Variants in SLX4IP observed in about 807,000 individuals in gnomAD.
The protein encoded by SLX4IP is SLX4 interacting protein.
A neutral mutation model predicts 32.9 loss-of-function variants in SLX4IP; 34 were observed. The ratio of observed to expected loss-of-function variants is 1.03; its 90% CI spans 0.79 to 1.38. SLX4IP has a LOEUF of 1.38. Among genes scored for constraint, SLX4IP ranks in the 40% most tolerant of loss-of-function variants. SLX4IP has a pLI of 0.00. For synonymous variants in SLX4IP, 172 were observed against 171.7 expected (o/e 1.00, Z -0.01); for missense variants, 444 against 479.0 (o/e 0.93, Z 0.68).
At chr20:10,479,041 C>A (rs1191075343) in intron 2 of SLX4IP, among the ~76,000 whole-genome samples, 1 of 152,236 alleles carries the variant, frequency 6.6e-6, no homozygotes. Context: ...TGCCAATCCT[C>A]CCCCTACTCA....
Position 10,623,484 on chromosome 20 carries a change from G to T in SLX4IP, c.*105G>T. On this transcript the variant is annotated 3_prime_UTR_variant, in exon 8 of 8. Transcript: ENST00000334534. Reference sequence around the variant, plus strand: ...GGATTTTAAAGGAATTAATTAGAATGACTAATTTAAATAGGAAGTGTGTTA... The same window carrying T: ...GGATTTTAAAGGAATTAATTAGAATTACTAATTTAAATAGGAAGTGTGTTA... 7.0e-7 allele frequency: 1 copy of T among 1,428,464 alleles called. No homozygotes were observed. The highest frequency in any genetic ancestry group is 9.3e-7 in the Non-Finnish European group (1 of 1,071,512). 88.5% of individuals were successfully genotyped at this position (1,428,464 alleles called of 1,614,324 possible). A position where few individuals can be genotyped will look rare whatever the true frequency, so the allele number is the denominator to read the frequency against.
chr20:10,518,041 AG>A (rs1228751363), intron 2 of SLX4IP, among the ~76,000 whole-genome samples: 1 of 152,140 alleles, frequency 6.6e-6, no homozygotes, highest in African/African-American at 2.4e-5. Flanking sequence ...GGAGAGCCTC[AG>A]GTAGAATAGC....
intron 4 of SLX4IP, among the ~76,000 whole-genome samples, chr20:10,574,587 C>T (rs2066502773): frequency 6.6e-6 from 1 of 152,094 alleles, no homozygotes; most frequent in Non-Finnish European, 1.5e-5. Flanking sequence ...AGACTTTCGG[C>T]ATATCTGGGA....
chr20:10,568,776 G>A (rs1350752027), intron 4 of SLX4IP, among the ~76,000 whole-genome samples: 1 of 152,186 alleles, frequency 6.6e-6, no homozygotes, highest in African/African-American at 2.4e-5. Flanking sequence ...TCTGTCAGTT[G>A]CAGAATAAAC....
intron 2 of SLX4IP, among the ~76,000 whole-genome samples, chr20:10,545,363 T>C (rs2066152148): frequency 1.3e-5 from 2 of 152,190 alleles, no homozygotes; most frequent in African/African-American, 4.8e-5. Flanking sequence ...ACTTCAATGC[T>C]GTTTTGTCTC....
chr20:10,605,499 C>T (rs1208822389), intron 6 of SLX4IP, among the ~76,000 whole-genome samples: 1 of 152,164 alleles, frequency 6.6e-6, no homozygotes, highest in South Asian at 2.1e-4. Context: ...TTTAAGGGTT[C>T]CATTGGATCT....
intron 2 of SLX4IP, among the ~76,000 whole-genome samples, chr20:10,480,405 CAA>C (rs58812464): frequency 1.6e-5 from 2 of 124,390 alleles, no homozygotes. Context: ...ACCCTGTTTC[CAA>C]AAAAAAAAAA....
rs1568684279 is a variant in SLX4IP, at chr20:10,445,932, GCTTTTTTTT to G, written c.-30+10480_-30+10488del. The stretch of plus-strand genomic sequence containing the variant: ...TGAGCCACTGTGCCTGGCTGAGATT[GCTTTTTTTT>G]TTTTTTTTTTTTTTTTAACTCAGCC... On this transcript the variant is annotated intron_variant, in intron 1 of 7. Coordinates refer to ENST00000334534, the MANE Select transcript of SLX4IP (RefSeq NM_001009608.3). Among the ~76,000 whole-genome samples, 43 of 126,218 alleles carry G rather than the reference GCTTTTTTTT, an allele frequency of 3.4e-4. 1 individual carries two copies. The highest frequency in any genetic ancestry group is 4.5e-3 in the Middle Eastern group (1 of 222). The allele number at this position is 126,218 out of a possible 152,430, so 82.8% of individuals were successfully genotyped here. A position where few individuals can be genotyped will look rare whatever the true frequency, so the allele number is the denominator to read the frequency against.
intron 1 of SLX4IP, among the ~76,000 whole-genome samples, chr20:10,454,788 A>G (rs1488807673): frequency 6.6e-6 from 1 of 152,140 alleles, no homozygotes; most frequent in Admixed American, 6.5e-5. Context: ...ATGCTGGGTC[A>G]TGTGGCAACT....
intron 6 of SLX4IP, among the ~76,000 whole-genome samples, chr20:10,606,679 T>C (rs1202491270): frequency 6.6e-6 from 1 of 152,158 alleles, no homozygotes; most frequent in Non-Finnish European, 1.5e-5. Context: ...TTAATCCAAA[T>C]ATATATAAAG....
intron 4 of SLX4IP, among the ~76,000 whole-genome samples, chr20:10,577,350 T>C (rs1173257126): frequency 3.9e-5 from 6 of 152,174 alleles, no homozygotes; most frequent in African/African-American, 1.4e-4. Context: ...CCTCTAGCTT[T>C]TTATAAAAGT....
At chr20:10,534,959 A>G (rs1485812887) in intron 2 of SLX4IP, among the ~76,000 whole-genome samples, 1 of 152,232 alleles carries the variant, frequency 6.6e-6, no homozygotes, top group Non-Finnish European at 1.5e-5. Context: ...GGATATGGTC[A>G]ACCTCTTACC....
chr20:10,578,122 T>C (rs1417875827), intron 4 of SLX4IP, among the ~76,000 whole-genome samples: 1 of 152,248 alleles, frequency 6.6e-6, no homozygotes, highest in Non-Finnish European at 1.5e-5. Flanking sequence ...TAAAGTATAC[T>C]GTTCAATGGT....
chr20:10,607,968 C>A lies in SLX4IP; in HGVS notation c.405+6149C>A, dbSNP rs535616779. On this transcript the variant is annotated intron_variant, in intron 6 of 7. Coordinates refer to ENST00000334534, the MANE Select transcript of SLX4IP (RefSeq NM_001009608.3). ...CACCACTGCCATTCCTGCAAGGGAA[C>A]CTGCCCTTTGCTGAAGTAGAATAGG... Among the ~76,000 whole-genome samples the A allele has an allele frequency of 2.0e-5, 3 of 152,286 alleles. No homozygotes were observed. The South Asian group carries it at 6.2e-4, about 32-fold the overall frequency.
intron 4 of SLX4IP, among the ~76,000 whole-genome samples, chr20:10,589,703 G>T (rs962083054): frequency 1.3e-5 from 2 of 152,040 alleles, no homozygotes; most frequent in East Asian, 3.9e-4. Flanking sequence ...TAGTACTGAG[G>T]TTTTTAAAAA....
intron 2 of SLX4IP, among the ~76,000 whole-genome samples, chr20:10,484,002 T>C (rs1447198155): frequency 6.6e-6 from 1 of 152,134 alleles, no homozygotes; most frequent in Non-Finnish European, 1.5e-5. Flanking sequence ...GATCATACTT[T>C]TAAATCTAAT....
At chr20:10,536,123 A>C (rs985750096) in intron 2 of SLX4IP, among the ~76,000 whole-genome samples, 5 of 152,184 alleles carry the variant, frequency 3.3e-5, no homozygotes, top group African/African-American at 1.2e-4. Context: ...CTTCTTATAT[A>C]CTATTTACAT....
At chr20:10,525,388 G>A (rs1350914011) in intron 2 of SLX4IP, among the ~76,000 whole-genome samples, 1 of 151,932 alleles carries the variant, frequency 6.6e-6, no homozygotes, top group Non-Finnish European at 1.5e-5. Context: ...CATACCTCTT[G>A]CTTTCCATCT....
chr20:10,510,187 G>A (rs1208794004), intron 2 of SLX4IP, among the ~76,000 whole-genome samples: 2 of 152,136 alleles, frequency 1.3e-5, no homozygotes, highest in Non-Finnish European at 2.9e-5. Context: ...GAAGAAAATG[G>A]TCAAAGCATT....
Sources: allele counts gnomAD v4.1 joint callset (sites outside exome capture counted in the v4.1 genomes callset), GRCh38; gene constraint gnomAD v4.1.1; transcripts MANE v1.5; gene names NCBI Gene and HGNC (gene_info 2026-07-23, HGNC 2026-07-21).